Variants in AK9 observed in about 807,000 individuals in gnomAD.
AK9 encodes adenylate kinase domain containing 1.
A neutral mutation model predicts 239.6 loss-of-function variants in AK9; 191 were observed. That is an observed-to-expected ratio of 0.80 (90% confidence interval 0.71 to 0.90). The LOEUF is 0.90. Ranked by LOEUF, AK9 falls within the 40% of genes least tolerant of loss-of-function variation. AK9 has a pLI of 0.00. For missense variants in AK9, 1,995 were observed against 2,214.7 expected, an observed-to-expected ratio of 0.90 and a Z score of 1.99; for synonymous variants, 689 against 721.0, an observed-to-expected ratio of 0.96 and a Z score of 0.71.
chr6:109,643,334 G>A (rs1363885224), intron 9 of AK9, among the ~76,000 whole-genome samples: 2 of 152,188 alleles, frequency 1.3e-5, no homozygotes, highest in Non-Finnish European at 2.9e-5. Context: ...TATCAAGCCA[G>A]AAATCTGGGC....
rs200952602 is a variant in AK9 at position 109,529,002 on chromosome 6, A to G, written c.3633+9T>C. ...ACCCTGTTTTGAAAAAAAAAACAAA[A>G]CTACTTACCTCCCTCCTTTTTTTAT... is the stretch of plus-strand genomic sequence containing the variant. On this transcript the variant is annotated intron_variant, in intron 29 of 40. Transcript: ENST00000424296. The G allele has an allele frequency of 1.3e-6, 2 of 1,598,850 alleles. No homozygotes were observed. Among genetic ancestry groups the G allele is most frequent in the Admixed American group, 1.8e-5 (1 of 57,112 alleles).
chr6:109,524,492 A>G (rs1780217294), intron 29 of AK9, among the ~76,000 whole-genome samples: 1 of 152,202 alleles, frequency 6.6e-6, no homozygotes, highest in African/African-American at 2.4e-5. Flanking sequence ...ACTAAATATG[A>G]AGAAAATGAT....
chr6:109,531,528 T>G (rs1397852244), intron 28 of AK9, among the ~76,000 whole-genome samples: 1 of 152,080 alleles, frequency 6.6e-6, no homozygotes, highest in East Asian at 1.9e-4. Flanking sequence ...CTATTTATAT[T>G]AAAATTAAAC....
intron 17 of AK9, among the ~76,000 whole-genome samples, chr6:109,594,463 A>G (rs532970525): frequency 1.3e-3 from 195 of 152,362 alleles, no homozygotes; most frequent in Middle Eastern, 3.4e-3. Context: ...ATTCAATGCT[A>G]TCCTCATCAA....
chr6:109,521,025 G>A (rs1779805569), intron 29 of AK9, among the ~76,000 whole-genome samples: 1 of 152,054 alleles, frequency 6.6e-6, no homozygotes, highest in South Asian at 2.1e-4. Flanking sequence ...GGTTTTACAG[G>A]TATAGAATTA....
chr6:109,670,278 A>T (rs528596639), intron 5 of AK9, among the ~76,000 whole-genome samples: 1 of 152,326 alleles, frequency 6.6e-6, no homozygotes, highest in African/African-American at 2.4e-5. Flanking sequence ...ATAACAATTA[A>T]TTTTTTAGGT....
rs1480373462 is a variant in AK9 at position 109,684,873 on chromosome 6, C to A, written c.-12+6274G>T. On this transcript the variant is annotated intron_variant, in intron 1 of 40. Coordinates refer to ENST00000424296, the MANE Select transcript of AK9 (RefSeq NM_001145128.3). ...TGGGCGACAGAGTGAGACTCCGTCT[C>A]AAAAAAAAAAAAAAAAAAAAAAAAA... Among the ~76,000 whole-genome samples, 28 of 21,870 alleles carry A rather than the reference C, an allele frequency of 1.3e-3. No homozygotes were observed. In the South Asian group the frequency reaches 0.073, roughly 57 times the overall value. 14.3% of individuals were successfully genotyped at this position (21,870 alleles called of 152,430 possible).
chr6:109,573,734 G>GA (rs1787716326), intron 20 of AK9, 140 bp from the exon 21 acceptor site: 2 of 769,816 alleles, frequency 2.6e-6, no homozygotes, highest in East Asian at 5.6e-5. Context: ...GGGGGAGATA[G>GA]AAAAATTATC....
chr6:109,596,794 C>T (rs541182776), intron 17 of AK9, among the ~76,000 whole-genome samples: 3 of 152,064 alleles, frequency 2.0e-5, no homozygotes, highest in Admixed American at 6.6e-5. Context: ...AATAGAGCTG[C>T]GATAAATATA....
At chr6:109,525,665 G>A (rs1240066942) in intron 29 of AK9, among the ~76,000 whole-genome samples, 1 of 152,134 alleles carries the variant, frequency 6.6e-6, no homozygotes, top group Admixed American at 6.5e-5. Flanking sequence ...AATAACAGAT[G>A]TTAGTGAGGT....
chr6:109,609,902 T>C (rs1435855499), intron 17 of AK9, among the ~76,000 whole-genome samples: 1 of 152,154 alleles, frequency 6.6e-6, no homozygotes, highest in Non-Finnish European at 1.5e-5. Flanking sequence ...GATTTTTTTT[T>C]CCCTTTAGAC....
intron 39 of AK9, among the ~76,000 whole-genome samples, chr6:109,494,752 C>CTT (rs139635014): frequency 6.6e-6 from 1 of 151,784 alleles, no homozygotes; most frequent in South Asian, 2.1e-4. Context: ...ATTTTGTAGA[C>CTT]TTTTTTTAAA....
rs1173668564 is a variant in AK9 at position 109,549,977 on chromosome 6, TA to T, written c.2964+112del. On this transcript the variant is annotated intron_variant, in intron 25 of 40. Transcript: ENST00000424296. ...CCGCGCCCGGCCTAGATATTTTCTT[TA>T]TATTGTAATATCAGATTGGGGATTT... 2.2e-5 allele frequency: 26 copies of T among 1,173,624 alleles called. No individual in the cohort carries two copies. The East Asian group carries it at 6.5e-4, about 29-fold the overall frequency. 72.7% of individuals were successfully genotyped at this position (1,173,624 alleles called of 1,614,324 possible). A position where few individuals can be genotyped will look rare whatever the true frequency, so the allele number is the denominator to read the frequency against.
intron 24 of AK9, among the ~76,000 whole-genome samples, chr6:109,561,419 G>A (rs1386602441): frequency 6.6e-6 from 1 of 152,122 alleles, no homozygotes; most frequent in East Asian, 1.9e-4. Context: ...GGGCTCGGGC[G>A]ATCCTCCCAC....
chr6:109,667,238 A>C (rs1311128761), intron 5 of AK9, among the ~76,000 whole-genome samples: 3 of 151,884 alleles, frequency 2.0e-5, no homozygotes, highest in Non-Finnish European at 4.4e-5. Context: ...GGAAGTGCAC[A>C]TATCTCTTCA....
intron 36 of AK9, 31 bp from the exon 37 acceptor site, chr6:109,497,996 A>C (rs1418142790): frequency 6.2e-7 from 1 of 1,609,118 alleles, no homozygotes; most frequent in South Asian, 1.1e-5. Context: ...TAGCAACATG[A>C]TTTAAACCAG....
At chr6:109,650,636 C>A (rs1798787726) in intron 8 of AK9, among the ~76,000 whole-genome samples, 1 of 152,180 alleles carries the variant, frequency 6.6e-6, no homozygotes. Context: ...GTTGGTGGGA[C>A]TGTAAACTAG....
intron 12 of AK9, among the ~76,000 whole-genome samples, chr6:109,630,062 A>G (rs1365354961): frequency 2.0e-5 from 3 of 152,202 alleles, no homozygotes; most frequent in Non-Finnish European, 2.9e-5. Context: ...GAAAGTACCA[A>G]TTTATATTGA....
chr6:109,577,884 T>C lies in AK9; in HGVS notation c.2191+1666A>G, dbSNP rs1477543842. On this transcript the variant is annotated intron_variant, in intron 20 of 40. Transcript: ENST00000424296. ...TCTTTCTTTCTTTTTCTTTCCTTCT[T>C]TCCTTCTCTCTCTCTTTCTCTCTTT... Among the ~76,000 whole-genome samples, 20 of 127,518 alleles carry C rather than the reference T, an allele frequency of 1.6e-4. No homozygotes were observed. In the East Asian group the frequency reaches 4.5e-3, roughly 29 times the overall value. The allele number at this position is 127,518 out of a possible 152,430, so 83.7% of individuals were successfully genotyped here.
Sources: gnomAD v4.1 joint callset for allele counts (sites outside exome capture counted in the v4.1 genomes callset) on GRCh38, gnomAD v4.1.1 for gene constraint, MANE v1.5 for transcripts, NCBI Gene and HGNC (gene_info 2026-07-23, HGNC 2026-07-21) for gene names.